THEM5: variants seen among roughly 807,000 people sequenced by gnomAD.
THEM5 encodes the protein acyl-coenzyme A thioesterase THEM5.
A neutral mutation model predicts 24.2 loss-of-function variants in THEM5; 28 were observed. The ratio of observed to expected loss-of-function variants is 1.16; its 90% CI spans 0.86 to 1.59. The LOEUF is 1.59. Ranked by LOEUF, THEM5 falls within the 40% of genes most tolerant of loss-of-function variation. The pLI is 0.00. For synonymous variants in THEM5, 87 were observed against 114.5 expected, an observed-to-expected ratio of 0.76 and a Z score of 1.53; for missense variants, 260 against 296.8, an observed-to-expected ratio of 0.88 and a Z score of 0.91.
intron 3 of THEM5, 115 bp from the exon 4 acceptor site, chr1:151,848,407 T>G: frequency 1.3e-6 from 1 of 777,268 alleles, no homozygotes; most frequent in Non-Finnish European, 2.1e-6. Context: ...CCCTAGACCC[T>G]TCCAAACACA....
In THEM5 at chr1:151,851,189, T is replaced by A; in HGVS notation, c.328A>T (p.Lys110Ter). ...LPSGLAVSSD[K>*]GDCRIFTRCI... is the part of the protein sequence containing the mutation. ...CTGGTGAAGATGCGACAGTCACCTT[T>A]GTCTGGGGAGAGATAGGCAGTGTTG... is the stretch of plus-strand genomic sequence containing the variant. Residue 110 changes from lysine (K) to a stop codon, truncating the protein, a stop_gained and splice_region_variant, in exon 3 of 6, where the codon AAA (lysine) becomes TAA (stop). Transcript: ENST00000368817. LOFTEE classifies it high-confidence loss of function. 1.2e-6 allele frequency: 2 copies of A among 1,614,178 alleles called. No homozygotes were observed. Among genetic ancestry groups the A allele is most frequent in the Non-Finnish European group, 8.5e-7 (1 of 1,180,022 alleles).
intron 1 of THEM5, among the ~76,000 whole-genome samples, 181 bp from the exon 2 acceptor site, chr1:151,852,640 G>A (rs757363436): frequency 5.9e-5 from 9 of 152,110 alleles, no homozygotes; most frequent in Admixed American, 2.6e-4. Context: ...TATGGGTGAC[G>A]GGGCATAAGG....
Position 151,853,587 on chromosome 1 carries a change from C to T in THEM5, c.-22G>A. The T allele has an allele frequency of 6.2e-7, 1 of 1,602,522 alleles. No individual in the cohort carries two copies. Among genetic ancestry groups the T allele is most frequent in the Non-Finnish European group, 8.5e-7 (1 of 1,173,878 alleles). On this transcript the variant is annotated 5_prime_UTR_variant, in exon 1 of 6. Transcript: ENST00000368817. ...TCATGGCCAAGTGCAAGGATCCAGC[C>T]CTGCTTGGATGGAGGGTCTTGGCTG...
At chr1:151,852,506 C>G (rs1261584598) in intron 1 of THEM5, 47 bp from the exon 2 acceptor site, 1 of 1,598,164 alleles carries the variant, frequency 6.3e-7, no homozygotes, top group Non-Finnish European at 8.6e-7. Context: ...TGGAGGGGGG[C>G]TGCTGCCTGG....
intron 3 of THEM5, among the ~76,000 whole-genome samples, chr1:151,848,794 T>C (rs1653024523): frequency 1.3e-5 from 2 of 152,228 alleles, no homozygotes; most frequent in South Asian, 2.1e-4. Context: ...ACATAACTTA[T>C]GACCTATCAA....
rs542216912 is a variant in THEM5, at chr1:151,848,988, G to T, written c.465-696C>A. Among the ~76,000 whole-genome samples the T allele has an allele frequency of 6.6e-5, 10 of 152,320 alleles. No individual in the cohort carries two copies. In the East Asian group the frequency reaches 1.9e-3, roughly 29 times the overall value. ...AATCCCAGCACTTTGGGAGGCTGAGGTGGGCAGATCACTTGATGTCAGGAG... is the reference window on the plus strand; with the variant it reads ...AATCCCAGCACTTTGGGAGGCTGAGTTGGGCAGATCACTTGATGTCAGGAG... On this transcript the variant is annotated intron_variant, in intron 3 of 5. Transcript: ENST00000368817.
chr1:151,852,342 C>A lies in THEM5; in HGVS notation c.241G>T (p.Gly81Cys), dbSNP rs558957960. The A allele has an allele frequency of 7.4e-5, 119 of 1,614,116 alleles. 3 individuals carry two copies. The South Asian group carries it at 1.2e-3, about 16-fold the overall frequency. Reference protein sequence around the residue: ...QEFLEKTKSSGWIKLPSFKSN... With the variant: ...QEFLEKTKSSCWIKLPSFKSN... ...TTGAAGGAGGGCAGCTTGATCCAGC[C>A]GCTAGACTTAGTCTTCTCCAGAAAT... The change falls in exon 2 of 6, where the codon GGC (glycine) becomes TGC (cysteine). Residue 81 changes from glycine to cysteine, a missense_variant. Physicochemically the swap from Gly to Cys is radical, Grantham distance 159. Coordinates refer to ENST00000368817, the MANE Select transcript of THEM5 (RefSeq NM_182578.4).
rs549656519 is a variant in THEM5, at chr1:151,848,872, A to G, written c.465-580T>C. On this transcript the variant is annotated intron_variant, in intron 3 of 5. Transcript: ENST00000368817. ...CAGAGCGCCTGCTTCAGCAGGCTCA[A>G]TGCTGAAATTGAGCTGAAATGCTCA... Among the ~76,000 whole-genome samples the G allele has an allele frequency of 7.2e-5, 11 of 152,370 alleles. No homozygotes were observed. The East Asian group carries it at 2.1e-3, about 29-fold the overall frequency.
At chr1:151,852,493 T>A (rs1384929309) in intron 1 of THEM5, 34 bp from the exon 2 acceptor site, 9 of 1,608,832 alleles carry the variant, frequency 5.6e-6, no homozygotes, top group Non-Finnish European at 6.0e-6. Context: ...CTAGACAGCA[T>A]CCTGGAGGGG....
Position 151,847,192 on chromosome 1 carries a change from G to C in THEM5, c.*179C>G. The C allele has an allele frequency of 1.1e-6, 1 of 951,258 alleles. No homozygotes were observed. 58.9% of individuals were successfully genotyped at this position (951,258 alleles called of 1,614,324 possible). ...GAGGACCCCTCCCTGCTCTTTGATGGGTCCCAGGCAGGCAGGGGAGGCAGG... is the reference window on the plus strand; with the variant it reads ...GAGGACCCCTCCCTGCTCTTTGATGCGTCCCAGGCAGGCAGGGGAGGCAGG... On this transcript the variant is annotated 3_prime_UTR_variant, in exon 6 of 6. Transcript: ENST00000368817.
chr1:151,847,774 T>C lies in THEM5; in HGVS notation c.664A>G (p.Ser222Gly), dbSNP rs1652983416. The change falls in exon 5 of 6, where the codon AGC (serine) becomes GGC (glycine). Residue 222 changes from serine to glycine, a missense_variant. By Grantham distance (56) the Ser-to-Gly change is moderately conservative. Transcript: ENST00000368817. The stretch of plus-strand genomic sequence containing the variant: ...GCATAAACTGTCTGCTGGTCTCTGC[T>C]GTGGGCGATGCAGGACATGTAAAGC... Reference protein sequence around the residue: ...QKLYMSCIAHSRDQQTVYAKS... With the variant: ...QKLYMSCIAHGRDQQTVYAKS... 1 of 1,613,856 alleles carries C rather than the reference T, an allele frequency of 6.2e-7. No homozygotes were observed. The highest frequency in any genetic ancestry group is 1.3e-5 in the African/African-American group (1 of 74,886).
chr1:151,847,563 T>C (rs1226260847), intron 5 of THEM5, 149 bp from the exon 6 acceptor site: 1 of 1,374,594 alleles, frequency 7.3e-7, no homozygotes, highest in Non-Finnish European at 1.0e-6. Flanking sequence ...GAAAAAAAAA[T>C]CCTAGTTCTG....
chr1:151,848,146 G>A, intron 4 of THEM5, 36 bp downstream of exon 4: 1 of 1,601,662 alleles, frequency 6.2e-7, no homozygotes, highest in Non-Finnish European at 8.6e-7. Flanking sequence ...GAAAAGGTCT[G>A]TGACTTTGGC....
intron 1 of THEM5, among the ~76,000 whole-genome samples, 160 bp from the exon 2 acceptor site, chr1:151,852,619 C>T (rs900529249): frequency 3.9e-5 from 6 of 152,038 alleles, no homozygotes; most frequent in Non-Finnish European, 8.8e-5. Context: ...TGCAGGGGGG[C>T]TGCGGACCCC....
chr1:151,853,580 A>G lies in THEM5; in HGVS notation c.-15T>C, dbSNP rs1424166263. Reference sequence around the variant, plus strand: ...CTCCTTATCATGGCCAAGTGCAAGGATCCAGCCCTGCTTGGATGGAGGGTC... The same window carrying G: ...CTCCTTATCATGGCCAAGTGCAAGGGTCCAGCCCTGCTTGGATGGAGGGTC... On this transcript the variant is annotated 5_prime_UTR_variant, in exon 1 of 6. Transcript: ENST00000368817. The G allele has an allele frequency of 6.2e-7, 1 of 1,607,270 alleles. No individual in the cohort carries two copies. Among genetic ancestry groups the G allele is most frequent in the South Asian group, 1.1e-5 (1 of 89,908 alleles).
intron 4 of THEM5, 141 bp from the exon 5 acceptor site, chr1:151,848,003 G>A (rs1012639356): frequency 9.3e-6 from 14 of 1,497,980 alleles, no homozygotes; most frequent in African/African-American, 1.4e-5. Context: ...CTTTTTGTCA[G>A]CTCCCAAAGT....
At chr1:151,852,605 T>C (rs1276347227) in intron 1 of THEM5, 146 bp from the exon 2 acceptor site, 1 of 746,932 alleles carries the variant, frequency 1.3e-6, no homozygotes, top group Admixed American at 2.5e-5. Context: ...GGGCCCATAT[T>C]CCTTGCAGGG....
chr1:151,847,976 G>A (rs1267235623), intron 4 of THEM5, 114 bp from the exon 5 acceptor site: 2 of 1,541,718 alleles, frequency 1.3e-6, no homozygotes, highest in East Asian at 4.6e-5. Flanking sequence ...ACTCAGAAGT[G>A]GCCCTGGGCT....
rs1279018131 is a variant in THEM5 at position 151,847,158 on chromosome 1, T to C, written c.*213A>G. ...AGGGTCCTTTCCCTCGCCTCACCAA[T>C]TGCTGCTTGAGGACCCCTCCCTGCT... is the stretch of plus-strand genomic sequence containing the variant. On this transcript the variant is annotated 3_prime_UTR_variant, in exon 6 of 6. Transcript: ENST00000368817. 1 of 756,486 alleles carries C rather than the reference T, an allele frequency of 1.3e-6. No homozygotes were observed. Among genetic ancestry groups the C allele is most frequent in the Admixed American group, 2.0e-5 (1 of 50,108 alleles). 46.9% of individuals were successfully genotyped at this position (756,486 alleles called of 1,614,324 possible). A position where few individuals can be genotyped will look rare whatever the true frequency, so the allele number is the denominator to read the frequency against.
Sources: allele counts gnomAD v4.1 joint callset (sites outside exome capture counted in the v4.1 genomes callset), GRCh38; gene constraint gnomAD v4.1.1; transcripts MANE v1.5; gene names NCBI Gene and HGNC (gene_info 2026-07-23, HGNC 2026-07-21).